The following MALT1 variants were observed in gnomAD, a reference collection of about 807,000 sequenced individuals.
MALT1 encodes the protein mucosa-associated lymphoid tissue lymphoma translocation protein 1.
In MALT1, 36 loss-of-function variants were observed where a neutral mutation model predicts 85.5. That is an observed-to-expected ratio of 0.42 (90% CI 0.32 to 0.56). MALT1 has a LOEUF of 0.56. Ranked by LOEUF, MALT1 falls within the 20% of genes least tolerant of loss-of-function variation. The pLI, the probability that MALT1 is intolerant of heterozygous loss-of-function variation, is 0.10. For synonymous variants in MALT1, 359 were observed against 361.3 expected, an observed-to-expected ratio of 0.99 and a Z score of 0.07; for missense variants, 716 against 981.6, an observed-to-expected ratio of 0.73 and a Z score of 3.62.
At position 58,700,468 on chromosome 18, in the gene MALT1, A is replaced by C. The variant is rs773932961; in HGVS notation, c.526A>C (p.Ile176Leu). ...EIPNGNTSEL[I>L]FNAVHVKDAG... Reference sequence around the variant, plus strand: ...TCCAAATGGAAATACATCAGAGCTTATTTTTAATGCAGTGCATGTAAAAGA... The same window carrying C: ...TCCAAATGGAAATACATCAGAGCTTCTTTTTAATGCAGTGCATGTAAAAGA... The change falls in exon 4 of 17, where the codon ATT becomes CTT. Residue 176 changes from isoleucine (I) to leucine (L), a missense_variant. Physicochemically the swap from Ile to Leu is conservative, Grantham distance 5. Transcript: ENST00000649217. The C allele has an allele frequency of 2.5e-6, 4 of 1,604,038 alleles. No individual in the cohort carries two copies. The Admixed American group carries it at 5.2e-5, about 21-fold the overall frequency.
At chr18:58,736,446 A>G (rs1196031843) in intron 13 of MALT1, among the ~76,000 whole-genome samples, 1 of 151,968 alleles carries the variant, frequency 6.6e-6, no homozygotes, top group Non-Finnish European at 1.5e-5. Flanking sequence ...CTGCTTTAAA[A>G]AAAAAAAAAG....
chr18:58,731,664 T>C (rs984470567), intron 10 of MALT1, among the ~76,000 whole-genome samples: 1 of 152,246 alleles, frequency 6.6e-6, no homozygotes, highest in Non-Finnish European at 1.5e-5. Flanking sequence ...CATACTGATA[T>C]TCCTCTCTAC....
chr18:58,732,876 T>G (rs1258703849), intron 10 of MALT1, among the ~76,000 whole-genome samples: 1 of 152,098 alleles, frequency 6.6e-6, no homozygotes, highest in Non-Finnish European at 1.5e-5. Flanking sequence ...TGTCTTGAAA[T>G]GCAAATTTTA....
chr18:58,745,369 C>G (rs1442960779), intron 15 of MALT1, among the ~76,000 whole-genome samples: 1 of 152,184 alleles, frequency 6.6e-6, no homozygotes, highest in Non-Finnish European at 1.5e-5. Context: ...ATGGGGCTCT[C>G]TCTGCTTAAG....
intron 1 of MALT1, 36 bp downstream of exon 1, chr18:58,671,888 T>C: frequency 5.8e-6 from 7 of 1,199,128 alleles, no homozygotes; most frequent in Non-Finnish European, 7.3e-6. Flanking sequence ...GGCGCGCGGG[T>C]CGAGCGGGGT....
intron 10 of MALT1, among the ~76,000 whole-genome samples, chr18:58,726,715 T>C (rs1031004548): frequency 3.3e-5 from 5 of 152,238 alleles, no homozygotes; most frequent in Non-Finnish European, 7.3e-5. Flanking sequence ...TTTCTAGTTA[T>C]GTTGTATAGA....
chr18:58,733,907 A>T, intron 11 of MALT1: 1 of 1,147,374 alleles, frequency 8.7e-7, no homozygotes, highest in African/African-American at 1.6e-5. Flanking sequence ...ACACCCATGG[A>T]GTTGGGATCT....
intron 1 of MALT1, chr18:58,673,946 A>G (rs1488604194): frequency 8.2e-6 from 1 of 122,398 alleles, no homozygotes; most frequent in Non-Finnish European, 1.8e-5. Context: ...GATATGCAAA[A>G]AAAACAAATA....
chr18:58,700,295 T>C, intron 3 of MALT1, 146 bp from the exon 4 acceptor site: 1 of 542,184 alleles, frequency 1.8e-6, no homozygotes. Flanking sequence ...AAAGCGTTAC[T>C]GTTTTTAACT....
At chr18:58,725,257 G>C (rs1368812963) in intron 10 of MALT1, among the ~76,000 whole-genome samples, 1 of 152,170 alleles carries the variant, frequency 6.6e-6, no homozygotes, top group Admixed American at 6.5e-5. Context: ...AGGAGGCAGA[G>C]GTTGCAGTGA....
chr18:58,685,381 A>AGTGACG (rs1332222799), intron 2 of MALT1, among the ~76,000 whole-genome samples: 1 of 152,178 alleles, frequency 6.6e-6, no homozygotes, highest in African/African-American at 2.4e-5. Flanking sequence ...TTCTGTTCCA[A>AGTGACG]GTGACGGTGG....
chr18:58,739,363 C>T (rs1193924718), intron 13 of MALT1, among the ~76,000 whole-genome samples: 1 of 152,084 alleles, frequency 6.6e-6, no homozygotes, highest in Non-Finnish European at 1.5e-5. Context: ...CAGTGGCATA[C>T]AGAGTATCAG....
intron 9 of MALT1, among the ~76,000 whole-genome samples, chr18:58,719,899 T>A (rs1052660042): frequency 6.7e-6 from 1 of 149,762 alleles, no homozygotes; most frequent in Non-Finnish European, 1.5e-5. Context: ...AAATAAATAC[T>A]TAATAGCATT....
chr18:58,693,831 A>G (rs969568275), intron 2 of MALT1, among the ~76,000 whole-genome samples: 2 of 152,218 alleles, frequency 1.3e-5, no homozygotes, highest in African/African-American at 2.4e-5. Context: ...AGGACATTCA[A>G]ATTTAAAGCC....
In MALT1 at chr18:58,747,769, G is replaced by T. The variant is rs749020165; in HGVS notation, c.2402G>T (p.Ser801Ile). The T allele has an allele frequency of 2.5e-6, 4 of 1,614,128 alleles. No homozygotes were observed. Among genetic ancestry groups the T allele is most frequent in the Non-Finnish European group, 3.4e-6 (4 of 1,180,000 alleles). ...CATGCTTCATGTCATTTTAGTAGAA[G>T]TAATGTGCCAGTAGAGACAACTGAT... ...AHHASCHFSR[S>I]NVPVETTDEI... Residue 801 changes from serine (S) to isoleucine (I), a missense_variant, in exon 17 of 17, where the codon AGT becomes ATT. By Grantham distance (142) the Ser-to-Ile change is moderately radical. Around this residue, in one of 4 missense-constraint regions of MALT1, gnomAD observed 260 missense variants for 323.7 expected, o/e 0.80. Transcript: ENST00000649217.
Position 58,681,320 on chromosome 18 carries a change from G to C in MALT1, c.360G>C (p.Gln120His). The change falls in exon 2 of 17, where the codon CAG (glutamine) becomes CAC (histidine). Residue 120 changes from glutamine (Q) to histidine (H), a missense_variant. By Grantham distance (24) the Gln-to-His change is conservative. Coordinates refer to ENST00000649217, the MANE Select transcript of MALT1 (RefSeq NM_006785.4). ...CTATGGAACACACTGAAGTTCTTCA[G>C]CTTCTCAGCCCCCCAGGTAGGTTTT... ...LQAMEHTEVLQLLSPPGIKIT... is the reference protein window; with the variant it reads ...LQAMEHTEVLHLLSPPGIKIT... 1 of 1,613,610 alleles carries C rather than the reference G, an allele frequency of 6.2e-7. No individual in the cohort carries two copies. The highest frequency in any genetic ancestry group is 8.5e-7 in the Non-Finnish European group (1 of 1,179,772).
chr18:58,745,849 A>C, intron 16 of MALT1, 58 bp downstream of exon 16: 1 of 1,521,614 alleles, frequency 6.6e-7, no homozygotes, highest in East Asian at 2.3e-5. Flanking sequence ...CTGGAAACTT[A>C]TTTTGGCATA....
At chr18:58,745,899 C>A in intron 16 of MALT1, 108 bp downstream of exon 16, 4 of 1,013,062 alleles carry the variant, frequency 3.9e-6, no homozygotes, top group South Asian at 1.7e-5. Flanking sequence ...GTAGAGATAA[C>A]CAGTCTACAG....
At chr18:58,743,373 T>C (rs1226654269) in intron 14 of MALT1, among the ~76,000 whole-genome samples, 1 of 152,006 alleles carries the variant, frequency 6.6e-6, no homozygotes, top group Non-Finnish European at 1.5e-5. Flanking sequence ...CAAAACTCAG[T>C]CTCAAAAAAA....
Sources: allele counts gnomAD v4.1 joint callset (sites outside exome capture counted in the v4.1 genomes callset), GRCh38; gene constraint gnomAD v4.1.1; regional missense constraint gnomAD v4.1.1; transcripts MANE v1.5; gene names NCBI Gene and HGNC (gene_info 2026-07-23, HGNC 2026-07-21).